DEK: variants seen among roughly 807,000 people sequenced by gnomAD.
The protein encoded by DEK is protein DEK.
Under a neutral mutation model 46.8 loss-of-function variants are expected in DEK, and 28 were observed. The observed-to-expected ratio is 0.60, with a 90% CI of 0.44 to 0.82. The LOEUF is 0.82. DEK is among the 40% of genes least tolerant of loss of function. The probability of loss-of-function intolerance (pLI) is 0.00; values close to 1 mark genes in which losing one functional copy is unlikely to be tolerated. For synonymous variants in DEK, 160 were observed against 144.5 expected (o/e 1.11, Z -0.77); for missense variants, 416 against 430.6 (o/e 0.97, Z 0.30).
chr6:18,243,233 A>G (rs910224090), intron 7 of DEK, among the ~76,000 whole-genome samples: 2 of 152,202 alleles, frequency 1.3e-5, no homozygotes, highest in Non-Finnish European at 2.9e-5. Flanking sequence ...GTGAAAGCAC[A>G]TGGTATATAC....
intron 7 of DEK, among the ~76,000 whole-genome samples, chr6:18,242,202 C>T (rs1232514727): frequency 6.6e-6 from 1 of 152,156 alleles, no homozygotes; most frequent in African/African-American, 2.4e-5. Flanking sequence ...GAAACCCCGT[C>T]TCTACAAAAA....
intron 7 of DEK, among the ~76,000 whole-genome samples, chr6:18,239,391 C>G (rs1790811820): frequency 7.1e-6 from 1 of 140,764 alleles, no homozygotes; most frequent in African/African-American, 2.7e-5. Context: ...GCTATGTTAC[C>G]CATGCTAGAC....
intron 6 of DEK, among the ~76,000 whole-genome samples, chr6:18,250,744 C>T (rs1205290039): frequency 6.6e-6 from 1 of 151,828 alleles, no homozygotes; most frequent in East Asian, 1.9e-4. Context: ...GATCCACCCA[C>T]CCTGGCCTCC....
chr6:18,264,498 G>T lies in DEK; in HGVS notation c.-123C>A. The T allele has an allele frequency of 4.0e-6, 1 of 249,510 alleles. No homozygotes were observed. The allele number at this position is 249,510 out of a possible 1,614,324, so 15.5% of individuals were successfully genotyped here. A position where few individuals can be genotyped will look rare whatever the true frequency, so the allele number is the denominator to read the frequency against. On this transcript the variant is annotated 5_prime_UTR_variant, in exon 1 of 11. Transcript: ENST00000652689. ...CGGGCCGCTGTCTGGCGTGACGCTCGCGCCGCGCGCTCGGCTCCCCAGAAT... is the reference window on the plus strand; with the variant it reads ...CGGGCCGCTGTCTGGCGTGACGCTCTCGCCGCGCGCTCGGCTCCCCAGAAT...
At chr6:18,230,966 CAT>C (rs1790391373) in intron 9 of DEK, among the ~76,000 whole-genome samples, 1 of 152,190 alleles carries the variant, frequency 6.6e-6, no homozygotes, top group South Asian at 2.1e-4. Flanking sequence ...AAATTGACCA[CAT>C]AGTTGGAAGT....
At chr6:18,245,307 C>A (rs1791063430) in intron 7 of DEK, among the ~76,000 whole-genome samples, 1 of 152,206 alleles carries the variant, frequency 6.6e-6, no homozygotes, top group Admixed American at 6.5e-5. Context: ...AAGGACAGTA[C>A]CCACATCCTC....
chr6:18,231,390 C>T (rs1582255780), intron 9 of DEK, among the ~76,000 whole-genome samples: 1 of 151,962 alleles, frequency 6.6e-6, no homozygotes, highest in East Asian at 1.9e-4. Context: ...GAAGGAGACA[C>T]AGACACAAAA....
chr6:18,258,356 CCT>C lies in DEK; in HGVS notation c.193_194del (p.Arg65ValfsTer25). 6.2e-7 allele frequency: 1 copy of C among 1,613,484 alleles called. No individual in the cohort carries two copies. The highest frequency in any genetic ancestry group is 1.3e-5 in the African/African-American group (1 of 75,012). ...GTAAGGAAGAGACTTGCATTGTCAA[CCT>C]CTCTACTTTTTTCTTTTCCCTCTTG... ...EGKREKKKVERLTMQVSSLQR... is the reference protein window; with the variant it reads ...EGKREKKKVEXLTMQVSSLQR... On this transcript the variant is annotated frameshift_variant, in exon 3 of 11. Coordinates refer to ENST00000652689, the MANE Select transcript of DEK (RefSeq NM_003472.4). LOFTEE classifies it high-confidence loss of function.
chr6:18,264,459 G>A lies in DEK; in HGVS notation c.-84C>T, dbSNP rs1178114635. The A allele has an allele frequency of 3.5e-6, 1 of 283,572 alleles. No homozygotes were observed. The highest frequency in any genetic ancestry group is 7.1e-6 in the Non-Finnish European group (1 of 139,886). The allele number at this position is 283,572 out of a possible 1,614,324, so 17.6% of individuals were successfully genotyped here. A position where few individuals can be genotyped will look rare whatever the true frequency, so the allele number is the denominator to read the frequency against. On this transcript the variant is annotated 5_prime_UTR_variant, in exon 1 of 11. Coordinates refer to ENST00000652689, the MANE Select transcript of DEK (RefSeq NM_003472.4). ...CTGGGAGGCGGCGGCGGCCGACGCC[G>A]AGGAGAAGGCGCGCGGGCCGCTGTC...
chr6:18,242,241 T>G (rs1228986464), intron 7 of DEK, among the ~76,000 whole-genome samples: 1 of 152,186 alleles, frequency 6.6e-6, no homozygotes, highest in Non-Finnish European at 1.5e-5. Context: ...CATGCACCTG[T>G]GGACCCAGCT....
chr6:18,262,188 A>C (rs1791905170), intron 2 of DEK, among the ~76,000 whole-genome samples: 1 of 152,100 alleles, frequency 6.6e-6, no homozygotes, highest in Non-Finnish European at 1.5e-5. Context: ...TTTCACCAGA[A>C]GCAAATACTG....
intron 7 of DEK, among the ~76,000 whole-genome samples, chr6:18,247,282 G>C (rs1465014220): frequency 6.6e-6 from 1 of 152,070 alleles, no homozygotes; most frequent in African/African-American, 2.4e-5. Flanking sequence ...GAAAAAAAAG[G>C]GGGGGAAACA....
chr6:18,234,504 T>C (rs2151079983), intron 9 of DEK, among the ~76,000 whole-genome samples: 1 of 152,278 alleles, frequency 6.6e-6, no homozygotes, highest in South Asian at 2.1e-4. Context: ...GTTCATGGCA[T>C]TCATCTTCAA....
intron 6 of DEK, among the ~76,000 whole-genome samples, chr6:18,252,501 G>A (rs969753493): frequency 6.8e-5 from 6 of 88,026 alleles, no homozygotes; most frequent in African/African-American, 1.0e-4. Context: ...AGAGTAAAAC[G>A]CTGTCTCCAA....
At chr6:18,227,115 C>T (rs965317375) in intron 9 of DEK, among the ~76,000 whole-genome samples, 1 of 152,050 alleles carries the variant, frequency 6.6e-6, no homozygotes, top group African/African-American at 2.4e-5. Context: ...AATATGGCCT[C>T]GTGAGAAGGG....
At chr6:18,261,711 T>C (rs1561994688) in intron 2 of DEK, among the ~76,000 whole-genome samples, 1 of 152,268 alleles carries the variant, frequency 6.6e-6, no homozygotes, top group Non-Finnish European at 1.5e-5. Flanking sequence ...GTACCATCAC[T>C]GTATCTTGGG....
chr6:18,255,883 T>A, intron 5 of DEK, 32 bp from the exon 6 acceptor site: 2 of 1,583,720 alleles, frequency 1.3e-6, no homozygotes, highest in Non-Finnish European at 1.7e-6. Context: ...ACCAAGGTGT[T>A]AATATAGGAA....
chr6:18,241,344 C>T (rs1195851464), intron 7 of DEK, among the ~76,000 whole-genome samples: 1 of 152,184 alleles, frequency 6.6e-6, no homozygotes, highest in Non-Finnish European at 1.5e-5. Flanking sequence ...ACAATGTCCC[C>T]TTTAATTTTA....
At chr6:18,230,713 CCCAG>C (rs1790377785) in intron 9 of DEK, among the ~76,000 whole-genome samples, 4 of 152,242 alleles carry the variant, frequency 2.6e-5, no homozygotes, top group Admixed American at 6.5e-5. Context: ...TACAGGAGCA[CCCAG>C]ATTCATAAAG....
Sources: gnomAD v4.1 joint callset for allele counts (sites outside exome capture counted in the v4.1 genomes callset) on GRCh38, gnomAD v4.1.1 for gene constraint, MANE v1.5 for transcripts, NCBI Gene and HGNC (gene_info 2026-07-23, HGNC 2026-07-21) for gene names.